GLP2R: variants seen among roughly 807,000 people sequenced by gnomAD.
GLP2R encodes the protein glucagon-like peptide 2 receptor.
Under a neutral mutation model 68.2 loss-of-function variants are expected in GLP2R, and 59 were observed. That is an observed-to-expected ratio of 0.87 (90% confidence interval 0.70 to 1.07). The LOEUF (loss-of-function observed/expected upper bound fraction) is 1.07. Among genes scored for constraint, GLP2R ranks in the 50% least tolerant of loss-of-function variants. The probability of loss-of-function intolerance (pLI) is 0.00; values close to 1 mark genes in which losing one functional copy is unlikely to be tolerated. For synonymous variants in GLP2R, 270 were observed against 265.4 expected, an observed-to-expected ratio of 1.02 and a Z score of -0.17; for missense variants, 548 against 677.4, an observed-to-expected ratio of 0.81 and a Z score of 2.12.
At chr17:9,857,921 G>A (rs1336403642) in intron 6 of GLP2R, among the ~76,000 whole-genome samples, 2 of 152,344 alleles carry the variant, frequency 1.3e-5, no homozygotes, top group Admixed American at 1.3e-4. Context: ...ACCAACTGGG[G>A]ATAGAAGATA....
chr17:9,867,334 A>T (rs28733001), intron 9 of GLP2R, among the ~76,000 whole-genome samples: 3,061 of 152,332 alleles, frequency 0.02, 107 homozygotes, highest in African/African-American at 0.068. Flanking sequence ...ATCTGGGTTG[A>T]TGCGAGTGTA....
chr17:9,839,722 C>T (rs1290955751), intron 3 of GLP2R, among the ~76,000 whole-genome samples: 1 of 152,182 alleles, frequency 6.6e-6, no homozygotes, highest in Non-Finnish European at 1.5e-5. Context: ...CTGCTGACCT[C>T]GTTAGCACTC....
chr17:9,842,710 A>C, intron 4 of GLP2R, 94 bp downstream of exon 4: 1 of 1,356,394 alleles, frequency 7.4e-7, no homozygotes, highest in Non-Finnish European at 1.0e-6. Context: ...GGGCCACACA[A>C]AGAGGCTTCT....
At chr17:9,835,330 AG>A (rs1342280598) in intron 2 of GLP2R, among the ~76,000 whole-genome samples, 10 of 152,116 alleles carry the variant, frequency 6.6e-5, no homozygotes, top group African/African-American at 1.9e-4. Context: ...CTTGGCTTCC[AG>A]GAGTCAGGAG....
At chr17:9,853,176 T>G (rs537862931) in intron 4 of GLP2R, 110 of 419,176 alleles carry the variant, frequency 2.6e-4, no homozygotes, top group African/African-American at 1.8e-3. Flanking sequence ...CTGACAATTC[T>G]TAAAGATAAG....
chr17:9,836,057 A>G lies in GLP2R; in HGVS notation c.278-314A>G, dbSNP rs79646869. ...CCATCTCCAAAAAAAAAAAAAAAAA[A>G]AAAGAAAGAAAGAAAGTTTAGTTCA... On this transcript the variant is annotated intron_variant, in intron 2 of 12. Coordinates refer to ENST00000262441, the MANE Select transcript of GLP2R (RefSeq NM_004246.3). Among the ~76,000 whole-genome samples, 898 of 151,670 alleles carry G rather than the reference A, an allele frequency of 5.9e-3. 22 individuals are homozygous for G. In the East Asian group the frequency reaches 0.061, roughly 10 times the overall value.
intron 4 of GLP2R, among the ~76,000 whole-genome samples, chr17:9,851,206 C>T (rs1274484857): frequency 6.6e-6 from 1 of 152,066 alleles, no homozygotes; most frequent in African/African-American, 2.4e-5. Context: ...AGCCTCATAT[C>T]TCCAATAAAA....
At chr17:9,882,303 G>A (rs1348217938) in intron 11 of GLP2R, among the ~76,000 whole-genome samples, 6 of 152,190 alleles carry the variant, frequency 3.9e-5, no homozygotes, top group Non-Finnish European at 8.8e-5. Context: ...AACAGGGAAG[G>A]ACAGTGTTAC....
At chr17:9,861,326 T>C (rs2066985731) in intron 8 of GLP2R, 127 bp downstream of exon 8, 1 of 671,782 alleles carries the variant, frequency 1.5e-6, no homozygotes, top group Non-Finnish European at 2.7e-6. Context: ...TCTAGAATAT[T>C]CTTAGGAATG....
Position 9,833,838 on chromosome 17 carries a change from G to A in GLP2R, c.221G>A (p.Arg74Gln), listed in dbSNP as rs147858947. ...GGATCCCTCCTTGAGGAAACGACTC[G>A]GAAGTGGGCTCAGTACAAACAGGCA... ...VTGSLLEETT[R>Q]KWAQYKQACL... The change falls in exon 2 of 13, where the codon CGG becomes CAG. Residue 74 changes from arginine to glutamine, a missense_variant. Physicochemically the swap from Arg to Gln is conservative, Grantham distance 43. Transcript: ENST00000262441. 9.4e-5 allele frequency: 152 copies of A among 1,613,550 alleles called. 1 individual carries two copies. The highest frequency in any genetic ancestry group is 7.4e-4 in the South Asian group (67 of 91,028).
At chr17:9,849,037 A>G (rs1444919436) in intron 4 of GLP2R, among the ~76,000 whole-genome samples, 1 of 140,022 alleles carries the variant, frequency 7.1e-6, no homozygotes, top group Non-Finnish European at 1.5e-5. Flanking sequence ...TAATACATAC[A>G]TATGAATTCA....
At chr17:9,858,665 C>T (rs1245060537) in intron 6 of GLP2R, among the ~76,000 whole-genome samples, 2 of 152,212 alleles carry the variant, frequency 1.3e-5, no homozygotes, top group Admixed American at 6.5e-5. Context: ...AATCTAATAT[C>T]CAGATTCTAT....
chr17:9,855,459 C>A (rs1328613131), intron 5 of GLP2R, among the ~76,000 whole-genome samples: 1 of 152,184 alleles, frequency 6.6e-6, no homozygotes, highest in Non-Finnish European at 1.5e-5. Context: ...CCCATTACCA[C>A]CACAGCCCAT....
intron 3 of GLP2R, among the ~76,000 whole-genome samples, chr17:9,839,903 C>G (rs965608838): frequency 1.1e-4 from 17 of 152,064 alleles, no homozygotes; most frequent in African/African-American, 4.1e-4. Context: ...ATTCTCAGCT[C>G]AATCCTTTCC....
chr17:9,826,011 C>A lies in GLP2R; in HGVS notation c.-53C>A. 1.4e-6 allele frequency: 2 copies of A among 1,446,160 alleles called. No homozygotes were observed. The highest frequency in any genetic ancestry group is 1.9e-6 in the Non-Finnish European group (2 of 1,055,428). 89.6% of individuals were successfully genotyped at this position (1,446,160 alleles called of 1,614,324 possible). A position where few individuals can be genotyped will look rare whatever the true frequency, so the allele number is the denominator to read the frequency against. On this transcript the variant is annotated 5_prime_UTR_variant, in exon 1 of 13. Coordinates refer to ENST00000262441, the MANE Select transcript of GLP2R (RefSeq NM_004246.3). ...ATGCAAGAGGAGGCTGCCTGCGGTGCATCTTGGACGGCTAGAGAGATGTAC... is the reference window on the plus strand; with the variant it reads ...ATGCAAGAGGAGGCTGCCTGCGGTGAATCTTGGACGGCTAGAGAGATGTAC...
At chr17:9,873,359 A>C (rs2067113040) in intron 10 of GLP2R, among the ~76,000 whole-genome samples, 1 of 151,912 alleles carries the variant, frequency 6.6e-6, no homozygotes, top group African/African-American at 2.4e-5. Context: ...GCAACCCCTA[A>C]ATAGTTTTTC....
intron 3 of GLP2R, among the ~76,000 whole-genome samples, chr17:9,840,773 T>G (rs1259791121): frequency 6.6e-6 from 1 of 151,898 alleles, no homozygotes; most frequent in Non-Finnish European, 1.5e-5. Flanking sequence ...AAGGTAAAGG[T>G]TTTAGAGGGA....
At chr17:9,835,545 T>C (rs551491038) in intron 2 of GLP2R, among the ~76,000 whole-genome samples, 27 of 152,292 alleles carry the variant, frequency 1.8e-4, no homozygotes, top group African/African-American at 6.3e-4. Flanking sequence ...TATGACTATA[T>C]AGTACTTGTG....
chr17:9,882,038 T>TAAAAAAAA (rs60129746), intron 11 of GLP2R, among the ~76,000 whole-genome samples: 4 of 113,650 alleles, frequency 3.5e-5, no homozygotes, highest in African/African-American at 1.3e-4. Flanking sequence ...ACACATTAAC[T>TAAAAAAAA]AAAAAAAAAA....
Sources: allele counts gnomAD v4.1 joint callset (sites outside exome capture counted in the v4.1 genomes callset), GRCh38; gene constraint gnomAD v4.1.1; transcripts MANE v1.5; gene names NCBI Gene and HGNC (gene_info 2026-07-23, HGNC 2026-07-21).